The following ADCY8 variants were observed in gnomAD, a reference collection of about 807,000 sequenced individuals.
ADCY8 encodes the protein adenylate cyclase type 8.
ADCY8 carries 51 observed loss-of-function variants against 119.7 expected under a neutral mutation model. The ratio of observed to expected loss-of-function variants is 0.43; its 90% CI spans 0.34 to 0.54. The LOEUF (loss-of-function observed/expected upper bound fraction) is 0.54, where lower values mean the gene tolerates loss of function less well. Among genes scored for constraint, ADCY8 ranks in the 20% least tolerant of loss-of-function variants. ADCY8 has a pLI of 0.03. For missense variants in ADCY8, 1,383 were observed against 1,598.8 expected (o/e 0.87, Z 2.30); for synonymous variants, 665 against 651.0 (o/e 1.02, Z -0.33).
At chr8:130,856,433 G>A (rs546833431) in intron 9 of ADCY8, among the ~76,000 whole-genome samples, 2 of 151,992 alleles carry the variant, frequency 1.3e-5, no homozygotes, top group Non-Finnish European at 2.9e-5. Flanking sequence ...AGACACGGCC[G>A]GGCCCTTCTT....
At chr8:130,797,638 G>C (rs1282820399) in intron 15 of ADCY8, among the ~76,000 whole-genome samples, 1 of 152,124 alleles carries the variant, frequency 6.6e-6, no homozygotes, top group Non-Finnish European at 1.5e-5. Context: ...GCCTAGCATA[G>C]AGGACAGGAG....
chr8:130,868,931 C>A (rs573358563), intron 8 of ADCY8, among the ~76,000 whole-genome samples: 2 of 152,338 alleles, frequency 1.3e-5, no homozygotes, highest in Non-Finnish European at 2.9e-5. Context: ...GACAAGGTTT[C>A]AGTCAGGTCA....
At chr8:130,936,770 C>T (rs1201599567) in intron 5 of ADCY8, among the ~76,000 whole-genome samples, 1 of 152,220 alleles carries the variant, frequency 6.6e-6, no homozygotes, top group Non-Finnish European at 1.5e-5. Flanking sequence ...ATCTCTCTCT[C>T]TGCACTGTAA....
chr8:130,878,975 A>G (rs1818665761), intron 8 of ADCY8, among the ~76,000 whole-genome samples: 2 of 152,206 alleles, frequency 1.3e-5, no homozygotes, highest in African/African-American at 4.8e-5. Context: ...TCACCTTATT[A>G]TAAGGTGATA....
intron 3 of ADCY8, among the ~76,000 whole-genome samples, chr8:130,950,755 A>G (rs567885697): frequency 1.9e-3 from 295 of 152,292 alleles, no homozygotes; most frequent in African/African-American, 6.7e-3. Flanking sequence ...GCTGGAGTTC[A>G]GTGGTGCGAT....
At chr8:130,919,597 A>C (rs1057148404) in intron 5 of ADCY8, among the ~76,000 whole-genome samples, 1 of 152,188 alleles carries the variant, frequency 6.6e-6, no homozygotes, top group Non-Finnish European at 1.5e-5. Flanking sequence ...TTTGTCATGG[A>C]TGAGTTCAAG....
chr8:130,942,686 G>T (rs959625963), intron 4 of ADCY8, among the ~76,000 whole-genome samples: 1 of 152,292 alleles, frequency 6.6e-6, no homozygotes, highest in African/African-American at 2.4e-5. Context: ...ACTTTACACA[G>T]CAGGAAATTA....
chr8:130,985,449 A>T (rs1822374300), intron 2 of ADCY8, among the ~76,000 whole-genome samples: 1 of 152,250 alleles, frequency 6.6e-6, no homozygotes, highest in South Asian at 2.1e-4. Flanking sequence ...AATATGAAAG[A>T]TGTTGATAAC....
At chr8:130,913,271 A>G (rs184170918) in intron 5 of ADCY8, among the ~76,000 whole-genome samples, 1 of 152,262 alleles carries the variant, frequency 6.6e-6, no homozygotes, top group Admixed American at 6.5e-5. Context: ...GGGCTATCAA[A>G]TAATAAGTTT....
chr8:130,919,937 T>C (rs148976330), intron 5 of ADCY8, among the ~76,000 whole-genome samples: 1 of 152,250 alleles, frequency 6.6e-6, no homozygotes, highest in East Asian at 1.9e-4. Context: ...TCCACATTAT[T>C]ATCCCCATTT....
intron 11 of ADCY8, among the ~76,000 whole-genome samples, chr8:130,836,742 T>C (rs903976705): frequency 6.6e-6 from 1 of 152,180 alleles, no homozygotes; most frequent in Non-Finnish European, 1.5e-5. Context: ...CTACTTTTTT[T>C]TGTTTGTTTG....
chr8:130,837,015 T>C (rs1586465349), intron 11 of ADCY8, among the ~76,000 whole-genome samples: 1 of 152,192 alleles, frequency 6.6e-6, no homozygotes, highest in African/African-American at 2.4e-5. Flanking sequence ...ATTACAGGCA[T>C]GAGCCTCCAT....
At chr8:130,878,848 G>C (rs1369795596) in intron 8 of ADCY8, among the ~76,000 whole-genome samples, 1 of 152,140 alleles carries the variant, frequency 6.6e-6, no homozygotes, top group Non-Finnish European at 1.5e-5. Flanking sequence ...AATCTTCCTT[G>C]ATATGGCTTG....
intron 3 of ADCY8, among the ~76,000 whole-genome samples, chr8:130,945,197 T>C (rs973527026): frequency 6.6e-6 from 1 of 152,066 alleles, no homozygotes; most frequent in Non-Finnish European, 1.5e-5. Context: ...AAGAGAGAGA[T>C]GAGGTCAGAA....
chr8:130,922,703 C>T (rs1207822608), intron 5 of ADCY8, among the ~76,000 whole-genome samples: 1 of 152,188 alleles, frequency 6.6e-6, no homozygotes, highest in Admixed American at 6.5e-5. Context: ...CATCATGGCC[C>T]GTTCTCAATG....
At chr8:131,006,118 T>A (rs1823110807) in intron 1 of ADCY8, among the ~76,000 whole-genome samples, 1 of 152,138 alleles carries the variant, frequency 6.6e-6, no homozygotes, top group Non-Finnish European at 1.5e-5. Context: ...AAGCAGCTTC[T>A]CTTTCCCTGA....
intron 9 of ADCY8, among the ~76,000 whole-genome samples, chr8:130,863,608 T>C (rs1338884019): frequency 1.3e-5 from 2 of 152,164 alleles, no homozygotes; most frequent in African/African-American, 4.8e-5. Context: ...TATTTTTTCC[T>C]AGCATATCAA....
chr8:130,808,637 C>T (rs1179096185), intron 14 of ADCY8, among the ~76,000 whole-genome samples: 1 of 152,126 alleles, frequency 6.6e-6, no homozygotes, highest in Non-Finnish European at 1.5e-5. Flanking sequence ...TTGAATGCAC[C>T]TACACACGGC....
At chr8:130,959,417 A>T (rs976627771) in intron 2 of ADCY8, among the ~76,000 whole-genome samples, 1 of 152,244 alleles carries the variant, frequency 6.6e-6, no homozygotes, top group Non-Finnish European at 1.5e-5. Flanking sequence ...GTAACATTTA[A>T]CAGAAAATAA....
Sources: allele counts gnomAD v4.1 joint callset (sites outside exome capture counted in the v4.1 genomes callset), GRCh38; gene constraint gnomAD v4.1.1; transcripts MANE v1.5; gene names NCBI Gene and HGNC (gene_info 2026-07-23, HGNC 2026-07-21).